The following BTNL2 variants were observed in gnomAD, a reference collection of about 807,000 sequenced individuals.
The protein encoded by BTNL2 is butyrophilin-like protein 2.
A neutral mutation model predicts 46.8 loss-of-function variants in BTNL2; 46 were observed. That is an observed-to-expected ratio of 0.98 (90% CI 0.78 to 1.26). The LOEUF (loss-of-function observed/expected upper bound fraction) is 1.26, where lower values mean the gene tolerates loss of function less well. Among genes scored for constraint, BTNL2 ranks in the 50% most tolerant of loss-of-function variants. BTNL2 has a pLI of 0.00. For missense variants in BTNL2, 461 were observed against 592.6 expected (o/e 0.78, Z 2.31); for synonymous variants, 226 against 229.1 (o/e 0.99, Z 0.12).
In BTNL2 at chr6:32,394,992, C is replaced by A; in HGVS notation, c.1112G>T (p.Gly371Val). Residue 371 changes from glycine to valine, a missense_variant, in exon 6 of 8, where the codon GGG becomes GTG. Transcript: ENST00000454136. This position sits in a 1 kb window ranked among gnomAD's most constrained non-coding sequence, Gnocchi z 4.6. Reference sequence around the variant, plus strand: ...CGGCTGCATTTCTCCATCTTCTTGCCCCTCCACAGTGATCAGTGGGGAAGA... The same window carrying A: ...CGGCTGCATTTCTCCATCTTCTTGCACCTCCACAGTGATCAGTGGGGAAGA... ...LGSSPLITVEGQEDGEMQPMC... is the reference protein window; with the variant it reads ...LGSSPLITVEVQEDGEMQPMC... The A allele has an allele frequency of 1.2e-6, 2 of 1,607,972 alleles. No homozygotes were observed. The highest frequency in any genetic ancestry group is 1.7e-6 in the Non-Finnish European group (2 of 1,176,122).
intron 3 of BTNL2, among the ~76,000 whole-genome samples, chr6:32,402,442 T>C (rs1317300287): frequency 6.6e-6 from 1 of 152,158 alleles, no homozygotes; most frequent in Non-Finnish European, 1.5e-5. Flanking sequence ...TTTAAAAATA[T>C]CTTTTTATTA....
At chr6:32,403,519 G>T in intron 2 of BTNL2, 1 of 361,344 alleles carries the variant, frequency 2.8e-6, no homozygotes. Context: ...GAGATGAGCT[G>T]TAATTTATTC....
In BTNL2 at chr6:32,396,570, G is replaced by A. The variant is rs1391664057; in HGVS notation, c.731-184C>T. On this transcript the variant is annotated intron_variant, in intron 4 of 7. Transcript: ENST00000454136. This position sits in a 1 kb window ranked among gnomAD's most constrained non-coding sequence, Gnocchi z 4.4. ...CAGAATAGAGGTTGCTCTTCTTTAAGGAGGAATCATTCCATGATGTGTGTC... is the reference window on the plus strand; with the variant it reads ...CAGAATAGAGGTTGCTCTTCTTTAAAGAGGAATCATTCCATGATGTGTGTC... 6 of 629,584 alleles carry A rather than the reference G, an allele frequency of 9.5e-6. No homozygotes were observed. The East Asian group carries it at 1.7e-4, about 18-fold the overall frequency. 39.0% of individuals were successfully genotyped at this position (629,584 alleles called of 1,614,324 possible).
At chr6:32,400,839 G>A (rs551843212) in intron 4 of BTNL2, among the ~76,000 whole-genome samples, 1 of 147,086 alleles carries the variant, frequency 6.8e-6, no homozygotes, top group Admixed American at 6.9e-5. Context: ...CTTGAATCCA[G>A]GAGATGGAGG....
At chr6:32,406,506 A>G (rs1264121346) in intron 1 of BTNL2, 1 of 132,376 alleles carries the variant, frequency 7.6e-6, no homozygotes, top group African/African-American at 2.8e-5. Flanking sequence ...TCTCCTTCTG[A>G]CACTGATTTT....
rs117418067 is a variant in BTNL2, at chr6:32,399,325, C to T, written c.730+2460G>A. 0.018 allele frequency among the ~76,000 whole-genome samples: 2,673 copies of T among 152,266 alleles called. 79 individuals carry two copies. Among genetic ancestry groups the T allele is most frequent in the East Asian group, 0.11 (572 of 5,190 alleles). ...CTGAAAAATTAATTCCCTTCTGGAG[C>T]GTGAAGTACACTGAATTATACACTG... On this transcript the variant is annotated intron_variant, in intron 4 of 7. Coordinates refer to ENST00000454136, the MANE Select transcript of BTNL2 (RefSeq NM_001304561.2). This position sits in a 1 kb window ranked among gnomAD's most constrained non-coding sequence, Gnocchi z 5.2.
At chr6:32,401,711 G>A (rs3763305) in intron 4 of BTNL2, 74 bp downstream of exon 4, 74,761 of 1,424,612 alleles carry the variant, frequency 0.052, 2,702 homozygotes, top group Admixed American at 0.18. Flanking sequence ...ACATGGTCTC[G>A]TGGTAGCTCC....
chr6:32,395,802 A>G (rs997211253), intron 5 of BTNL2, among the ~76,000 whole-genome samples: 1 of 152,238 alleles, frequency 6.6e-6, no homozygotes, highest in Non-Finnish European at 1.5e-5. Flanking sequence ...GATATGGTCA[A>G]TTTTTGAAGA....
At position 32,396,009 on chromosome 6, in the gene BTNL2, G is replaced by T; in HGVS notation, c.1078+30C>A. 6.5e-7 allele frequency: 1 copy of T among 1,545,568 alleles called. No individual in the cohort carries two copies. Among genetic ancestry groups the T allele is most frequent in the South Asian group, 1.2e-5 (1 of 85,416 alleles). On this transcript the variant is annotated intron_variant, in intron 5 of 7. Coordinates refer to ENST00000454136, the MANE Select transcript of BTNL2 (RefSeq NM_001304561.2). The surrounding 1 kb of genome is among the most constrained non-coding windows in gnomAD (Gnocchi z 4.4). ...TATTAAAGTGGCAGGAGCAGGTATT[G>T]AATACAAAATATCTATCTAGAATTC...
rs371561394 is a variant in BTNL2, at chr6:32,403,226, G to T, written c.428-10C>A. 3.1e-6 allele frequency: 5 copies of T among 1,593,028 alleles called. No homozygotes were observed. The highest frequency in any genetic ancestry group is 4.3e-6 in the Non-Finnish European group (5 of 1,169,288). On this transcript the variant is annotated splice_polypyrimidine_tract_variant and intron_variant, in intron 2 of 7. Transcript: ENST00000454136. The stretch of plus-strand genomic sequence containing the variant: ...GGGGCAGACCCCAGACCTGCAGAGG[G>T]AAGCCACAGCTCTGACACCCAGAGC...
rs747501858 is a variant in BTNL2, at chr6:32,407,040, C to T, written c.79+5G>A. ...CTATACAGTAAAGGGAGAAGGGAAT[C>T]CTACCTGACTGCTTCATTGTCAGCA... On this transcript the variant is annotated splice_donor_5th_base_variant and intron_variant, in intron 1 of 7. Transcript: ENST00000454136. 51 of 1,612,348 alleles carry T rather than the reference C, an allele frequency of 3.2e-5. 2 individuals carry two copies. The Admixed American group carries it at 6.2e-4, about 19-fold the overall frequency.
chr6:32,399,952 C>T lies in BTNL2; in HGVS notation c.730+1833G>A, dbSNP rs573496788. On this transcript the variant is annotated intron_variant, in intron 4 of 7. Coordinates refer to ENST00000454136, the MANE Select transcript of BTNL2 (RefSeq NM_001304561.2). This position sits in a 1 kb window ranked among gnomAD's most constrained non-coding sequence, Gnocchi z 5.2. The stretch of plus-strand genomic sequence containing the variant: ...GAAGCAAAGGGAAGCTCCATCTTTC[C>T]GTGTTGGTTAATTGTGGCCCCGGAG... Among the ~76,000 whole-genome samples, 207 of 152,034 alleles carry T rather than the reference C, an allele frequency of 1.4e-3. No homozygotes were observed. The highest frequency in any genetic ancestry group is 4.7e-3 in the African/African-American group (195 of 41,490).
chr6:32,403,312 C>T (rs1272147384), intron 2 of BTNL2, 96 bp from the exon 3 acceptor site: 19 of 1,394,772 alleles, frequency 1.4e-5, no homozygotes, highest in African/African-American at 7.2e-5. Flanking sequence ...GGGAGGTGGC[C>T]GGAGTTCAGG....
chr6:32,393,914 T>G lies in BTNL2; in HGVS notation c.*6+49A>C, dbSNP rs986422443. On this transcript the variant is annotated intron_variant, in intron 7 of 7. Transcript: ENST00000454136. The surrounding 1 kb of genome is among the most constrained non-coding windows in gnomAD (Gnocchi z 4.8). ...AAGGGAGGCTCGGGGAAGTACGCAG[T>G]ACGGTTCCCACTGCAGTGTGCTCCG... is the stretch of plus-strand genomic sequence containing the variant. 2.6e-5 allele frequency: 40 copies of G among 1,545,456 alleles called. No individual in the cohort carries two copies. Among genetic ancestry groups the G allele is most frequent in the Non-Finnish European group, 3.0e-5 (34 of 1,144,440 alleles).
intron 4 of BTNL2, among the ~76,000 whole-genome samples, chr6:32,398,708 T>TA (rs1776588114): frequency 6.6e-6 from 1 of 152,236 alleles, no homozygotes; most frequent in Non-Finnish European, 1.5e-5. Context: ...AATTAAGAGC[T>TA]AAAATTGACT....
intron 5 of BTNL2, 42 bp downstream of exon 5, chr6:32,395,997 G>A (rs17202456): frequency 0.14 from 202,974 of 1,469,812 alleles, 15,162 homozygotes; most frequent in Non-Finnish European, 0.14. Flanking sequence ...TAAAGTGGCA[G>A]GAGCAGGTAT....
chr6:32,405,185 C>T lies in BTNL2; in HGVS notation c.181G>A (p.Val61Met), dbSNP rs41457146. 9.9e-4 allele frequency: 1,602 copies of T among 1,613,084 alleles called. 13 individuals are homozygous for T. In the African/African-American group the frequency reaches 0.018, roughly 18 times the overall value. The change falls in exon 2 of 8, where the codon GTG becomes ATG. Residue 61 changes from valine (V) to methionine (M), a missense_variant. Val to Met is a conservative substitution (Grantham distance 21, BLOSUM62 1). Coordinates refer to ENST00000454136, the MANE Select transcript of BTNL2 (RefSeq NM_001304561.2). ...QLLPKRTTMHVEVRWYRSEPS... is the reference protein window; with the variant it reads ...QLLPKRTTMHMEVRWYRSEPS... ...TCTGAGCGGTACCACCTCACCTCCA[C>T]GTGCATTGTGGTCCTCTTGGGGAGT... is the stretch of plus-strand genomic sequence containing the variant.
rs527637732 is a variant in BTNL2 at position 32,404,518 on chromosome 6, G to A, written c.427+421C>T. 2.0e-5 allele frequency among the ~76,000 whole-genome samples: 3 copies of A among 152,302 alleles called. No homozygotes were observed. The East Asian group carries it at 5.8e-4, about 29-fold the overall frequency. On this transcript the variant is annotated intron_variant, in intron 2 of 7. Coordinates refer to ENST00000454136, the MANE Select transcript of BTNL2 (RefSeq NM_001304561.2). ...TTTCTAACTGAGGGCATTTCACAAGGAAAGAACATTTTCACGTCTCAGTTT... is the reference window on the plus strand; with the variant it reads ...TTTCTAACTGAGGGCATTTCACAAGAAAAGAACATTTTCACGTCTCAGTTT...
chr6:32,400,905 T>C, intron 4 of BTNL2, among the ~76,000 whole-genome samples: 1 of 112,546 alleles, frequency 8.9e-6, no homozygotes, highest in Middle Eastern at 5.2e-3. Context: ...AGAGCGAGAC[T>C]CCGTCTCAAA....
Sources: gnomAD v4.1 joint callset for allele counts (sites outside exome capture counted in the v4.1 genomes callset) on GRCh38, gnomAD v4.1.1 for gene constraint, Gnocchi (gnomAD v3.1) non-coding constraint, MANE v1.5 for transcripts, NCBI Gene and HGNC (gene_info 2026-07-23, HGNC 2026-07-21) for gene names.